The following SNAP23 variants were observed in gnomAD, a reference collection of about 807,000 sequenced individuals.
The protein encoded by SNAP23 is synaptosomal-associated protein 23.
In SNAP23, 11 loss-of-function variants were observed where a neutral mutation model predicts 29.0. The observed-to-expected ratio is 0.38, with a 90% confidence interval of 0.24 to 0.63. The LOEUF (loss-of-function observed/expected upper bound fraction) is 0.63. SNAP23 is among the 20% of genes least tolerant of loss of function. The pLI is 0.58. For synonymous variants in SNAP23, 60 were observed against 82.9 expected (o/e 0.72, Z 1.50); for missense variants, 220 against 253.9 (o/e 0.87, Z 0.91).
Position 42,532,317 on chromosome 15 carries a change from C to T in SNAP23, c.*839C>T, listed in dbSNP as rs1040333459. 9.9e-5 allele frequency: 15 copies of T among 152,158 alleles called. 1 individual carries two copies. The highest frequency in any genetic ancestry group is 9.8e-4 in the Admixed American group (15 of 15,272). 9.4% of individuals were successfully genotyped at this position (152,158 alleles called of 1,614,324 possible). A position where few individuals can be genotyped will look rare whatever the true frequency, so the allele number is the denominator to read the frequency against. On this transcript the variant is annotated 3_prime_UTR_variant, in exon 8 of 8. Transcript: ENST00000249647. ...TGTCAAGCTGGTCTTGGACTCCTGA[C>T]GTCGTGATCCACCCGCCTTGGCCTC...
chr15:42,499,826 G>A (rs2057253328), intron 1 of SNAP23, among the ~76,000 whole-genome samples: 1 of 152,114 alleles, frequency 6.6e-6, no homozygotes. Context: ...CACAATTCTA[G>A]CAAAGTTTAC....
chr15:42,513,438 G>A lies in SNAP23; in HGVS notation c.139G>A (p.Glu47Lys). 6.2e-7 allele frequency: 1 copy of A among 1,613,052 alleles called. No individual in the cohort carries two copies. Among genetic ancestry groups the A allele is most frequent in the Non-Finnish European group, 8.5e-7 (1 of 1,179,076 alleles). ...AGIKTITMLD[E>K]QKEQLNRIEE... ...AATCAAGACCATCACTATGCTGGAT[G>A]AACAAAAGGGTAAGTTAAATTATTA... is the stretch of plus-strand genomic sequence containing the variant. The change falls in exon 4 of 8, where the codon GAA becomes AAA. Residue 47 changes from glutamate (E) to lysine (K), a missense_variant. Physicochemically the swap from Glu to Lys is moderately conservative, Grantham distance 56. Transcript: ENST00000249647.
intron 5 of SNAP23, 181 bp from the exon 6 acceptor site, chr15:42,528,081 A>G: frequency 1.9e-6 from 1 of 536,272 alleles, no homozygotes; most frequent in South Asian, 3.1e-5. Context: ...ATGGGTTTAC[A>G]TAATTCATCT....
upstream of SNAP23, among the ~76,000 whole-genome samples, chr15:42,494,625 C>T (rs534085125): frequency 6.6e-6 from 1 of 151,858 alleles, no homozygotes; most frequent in South Asian, 2.1e-4. Flanking sequence ...AAGCGATTCT[C>T]CTGCCTCAGC....
chr15:42,528,586 T>A (rs868158566), intron 6 of SNAP23, among the ~76,000 whole-genome samples, 166 bp downstream of exon 6: 11 of 152,106 alleles, frequency 7.2e-5, no homozygotes, highest in Admixed American at 3.3e-4. Flanking sequence ...GGGTTTTTTT[T>A]ATTTGTTGTT....
Position 42,508,527 on chromosome 15 carries a change from G to A in SNAP23, c.-14-3306G>A, listed in dbSNP as rs138296007. On this transcript the variant is annotated intron_variant, in intron 1 of 7. Transcript: ENST00000249647. Reference sequence around the variant, plus strand: ...AGTAGATATCTGTTACTTGTCTTGCGTGTTGTCTGGTCAGGGAAGAAAAAA... The same window carrying A: ...AGTAGATATCTGTTACTTGTCTTGCATGTTGTCTGGTCAGGGAAGAAAAAA... 2.2e-3 allele frequency among the ~76,000 whole-genome samples: 337 copies of A among 152,242 alleles called. 2 individuals are homozygous for A. Among genetic ancestry groups the A allele is most frequent in the African/African-American group, 7.8e-3 (322 of 41,536 alleles).
At chr15:42,498,826 A>G (rs1029099444) in intron 1 of SNAP23, among the ~76,000 whole-genome samples, 4 of 152,178 alleles carry the variant, frequency 2.6e-5, no homozygotes, top group African/African-American at 9.7e-5. Flanking sequence ...GTCATGTGAA[A>G]GTAATTTAAG....
At chr15:42,522,716 T>C (rs989165692) in intron 5 of SNAP23, among the ~76,000 whole-genome samples, 1 of 104,900 alleles carries the variant, frequency 9.5e-6, no homozygotes, top group African/African-American at 3.1e-5. Context: ...CAACCAAAAC[T>C]AAAAAAAAAA....
At chr15:42,506,982 T>TA (rs1189544512) in intron 1 of SNAP23, among the ~76,000 whole-genome samples, 4 of 152,078 alleles carry the variant, frequency 2.6e-5, no homozygotes, top group Non-Finnish European at 5.9e-5. Flanking sequence ...CATGCCCAGC[T>TA]AATTTTTTGA....
At chr15:42,530,165 C>T (rs533913569) in intron 7 of SNAP23, among the ~76,000 whole-genome samples, 70 of 152,242 alleles carry the variant, frequency 4.6e-4, no homozygotes, top group African/African-American at 1.6e-3. Context: ...CTTGCTCTGT[C>T]GCCTAGGGTA....
At chr15:42,496,915 A>G (rs1256242509) in intron 1 of SNAP23, among the ~76,000 whole-genome samples, 1 of 151,998 alleles carries the variant, frequency 6.6e-6, no homozygotes. Context: ...CCCTTATAAA[A>G]CCAGTATCAT....
upstream of SNAP23, among the ~76,000 whole-genome samples, chr15:42,491,721 T>G (rs558318177): frequency 6.6e-6 from 1 of 152,302 alleles, no homozygotes; most frequent in South Asian, 2.1e-4. Context: ...TAATACTGAC[T>G]TTATTCTTAC....
At chr15:42,496,314 T>C (rs1238000414) in intron 1 of SNAP23, among the ~76,000 whole-genome samples, 1 of 151,914 alleles carries the variant, frequency 6.6e-6, no homozygotes, top group South Asian at 2.1e-4. Flanking sequence ...CGTAAAGACA[T>C]AAAAGTGGGA....
chr15:42,513,598 A>G (rs1399029814), intron 4 of SNAP23, 151 bp downstream of exon 4: 2 of 680,482 alleles, frequency 2.9e-6, no homozygotes, highest in Non-Finnish European at 5.2e-6. Flanking sequence ...GATTTGAATT[A>G]TATATCATGT....
chr15:42,497,288 G>A (rs566317541), intron 1 of SNAP23, among the ~76,000 whole-genome samples: 2 of 148,522 alleles, frequency 1.3e-5, no homozygotes, highest in East Asian at 4.0e-4. Context: ...GGCTCACTGC[G>A]ACCTCCGCCT....
chr15:42,528,452 T>C, intron 6 of SNAP23, 32 bp downstream of exon 6: 1 of 1,600,628 alleles, frequency 6.2e-7, no homozygotes, highest in Non-Finnish European at 8.6e-7. Flanking sequence ...TTCCTGTACC[T>C]TTCTTAATGA....
At chr15:42,502,269 C>T (rs1244463311) in intron 1 of SNAP23, among the ~76,000 whole-genome samples, 1 of 152,152 alleles carries the variant, frequency 6.6e-6, no homozygotes, top group Non-Finnish European at 1.5e-5. Context: ...CGTGATCCGC[C>T]TGCCTCAGCC....
chr15:42,522,855 T>TG, intron 5 of SNAP23, among the ~76,000 whole-genome samples: 1 of 142,046 alleles, frequency 7.0e-6, no homozygotes, highest in African/African-American at 2.6e-5. Context: ...TTTTTTTTTT[T>TG]TTTTTTTTGA....
At chr15:42,528,948 T>G (rs1010264509) in intron 6 of SNAP23, among the ~76,000 whole-genome samples, 1 of 152,194 alleles carries the variant, frequency 6.6e-6, no homozygotes, top group Non-Finnish European at 1.5e-5. Flanking sequence ...TTTATACTTT[T>G]CAGTACTTTC....
Sources: allele counts gnomAD v4.1 joint callset (sites outside exome capture counted in the v4.1 genomes callset), GRCh38; gene constraint gnomAD v4.1.1; transcripts MANE v1.5; gene names NCBI Gene and HGNC (gene_info 2026-07-23, HGNC 2026-07-21).